Variants in PLEKHG1 observed in about 807,000 individuals in gnomAD.
PLEKHG1 encodes pleckstrin homology domain-containing family G member 1.
In PLEKHG1, 44 loss-of-function variants were observed where a neutral mutation model predicts 100.8. The observed-to-expected ratio is 0.44, with a 90% confidence interval of 0.34 to 0.56. The LOEUF is 0.56. Ranked by LOEUF, PLEKHG1 falls within the 20% of genes least tolerant of loss-of-function variation. The probability of loss-of-function intolerance (pLI) is 0.01; values close to 1 mark genes in which losing one functional copy is unlikely to be tolerated. For synonymous variants in PLEKHG1, 640 were observed against 662.5 expected (o/e 0.97, Z 0.52); for missense variants, 1,545 against 1,720.9 (o/e 0.90, Z 1.81).
intron 15 of PLEKHG1, among the ~76,000 whole-genome samples, chr6:150,834,182 A>G (rs114061571): frequency 0.013 from 2,003 of 152,286 alleles, 40 homozygotes; most frequent in African/African-American, 0.046. Context: ...TGAGACTAGA[A>G]TGCATGTATT....
At chr6:150,840,982 G>C in exon 16 of PLEKHG1, 2 of 1,023,958 alleles carry the variant, frequency 2.0e-6, no homozygotes. Flanking sequence ...ATGTATACCA[G>C]ATTAAAACAA....
Position 150,683,828 on chromosome 6 carries a change from C to G in PLEKHG1, c.-99+33042C>G. On this transcript the variant is annotated intron_variant, in intron 3 of 3. Coordinates refer to the PLEKHG1 transcript ENST00000367326. The surrounding 1 kb of genome is among the most constrained non-coding windows in gnomAD (Gnocchi z 4.0). ...CTGCCTGGACAAATCGTGTTCTGGG[C>G]CAAAGCATCACAGGCGAGTGAAATA... 2.3e-6 allele frequency: 3 copies of G among 1,287,830 alleles called. No individual in the cohort carries two copies. The South Asian group carries it at 3.7e-5, about 16-fold the overall frequency. 79.8% of individuals were successfully genotyped at this position (1,287,830 alleles called of 1,614,324 possible). A position where few individuals can be genotyped will look rare whatever the true frequency, so the allele number is the denominator to read the frequency against.
intron 2 of PLEKHG1, among the ~76,000 whole-genome samples, chr6:150,639,958 T>G (rs1778182852): frequency 6.6e-6 from 1 of 152,250 alleles, no homozygotes; most frequent in Admixed American, 6.5e-5. Context: ...TCTACGCAAC[T>G]CTGTCATTTT....
chr6:150,800,527 T>G (rs1786630055), intron 5 of PLEKHG1, among the ~76,000 whole-genome samples, 192 bp from the exon 7 acceptor site: 1 of 152,164 alleles, frequency 6.6e-6, no homozygotes, highest in Non-Finnish European at 1.5e-5. Context: ...TGCCAGTGGG[T>G]CCGGTGCCTT....
At chr6:150,707,901 C>T (rs1467641880) in intron 3 of PLEKHG1, among the ~76,000 whole-genome samples, 1 of 152,118 alleles carries the variant, frequency 6.6e-6, no homozygotes, top group African/African-American at 2.4e-5. Context: ...CCAGGCAGCA[C>T]CTCCTGGCTC....
chr6:150,674,974 T>C lies in PLEKHG1; in HGVS notation c.-99+24188T>C, dbSNP rs200766041. 5.3e-5 allele frequency among the ~76,000 whole-genome samples: 8 copies of C among 152,298 alleles called. No homozygotes were observed. In the East Asian group the frequency reaches 1.5e-3, roughly 29 times the overall value. ...CTGGGATTGCAGGTGTGAGCCACCA[T>C]GCCCGGCCACCTCAAACATTTCTTT... On this transcript the variant is annotated intron_variant, in intron 3 of 3. Transcript: ENST00000367326.
At chr6:150,623,215 C>T (rs1777379490) in intron 1 of PLEKHG1, among the ~76,000 whole-genome samples, 1 of 152,114 alleles carries the variant, frequency 6.6e-6, no homozygotes, top group African/African-American at 2.4e-5. Flanking sequence ...TGCCTTCAAC[C>T]ACACAGGTGC....
intron 4 of PLEKHG1, among the ~76,000 whole-genome samples, chr6:150,795,408 AGTAATTTTATTTTAGATTTTGCAAAAGCT>A (rs2128659026): frequency 6.6e-6 from 1 of 151,316 alleles, no homozygotes; most frequent in African/African-American, 2.4e-5. Context: ...AAAAAAAAAA[AGTAATTTTATTTTAGATTTTGCAAAAGCT>A]AGTAATTTAT....
At chr6:150,751,060 A>C (rs1448009772) in intron 2 of PLEKHG1, among the ~76,000 whole-genome samples, 1 of 152,234 alleles carries the variant, frequency 6.6e-6, no homozygotes. Flanking sequence ...AGAGATATTC[A>C]TATAATAGTT....
Position 150,785,355 on chromosome 6 carries a change from A to G in PLEKHG1, c.513-1035A>G, listed in dbSNP as rs1380874019. Among the ~76,000 whole-genome samples the G allele has an allele frequency of 2.0e-5, 3 of 152,206 alleles. No homozygotes were observed. In the East Asian group the frequency reaches 5.8e-4, roughly 29 times the overall value. On this transcript the variant is annotated intron_variant, in intron 3 of 15. Coordinates refer to ENST00000358517, the Ensembl canonical transcript of PLEKHG1. ...ATAAATACTTAGCATAGTAAGGTGT[A>G]TATTAGTATAACTCATGTGGAGTGC...
intron 1 of PLEKHG1, among the ~76,000 whole-genome samples, chr6:150,732,398 A>G (rs1318673803): frequency 5.3e-5 from 8 of 152,206 alleles, no homozygotes; most frequent in Non-Finnish European, 1.2e-4. Flanking sequence ...AGTGATCTGG[A>G]GAAGTGCTGT....
At chr6:150,766,566 G>T (rs1023512970) in intron 2 of PLEKHG1, among the ~76,000 whole-genome samples, 4 of 152,158 alleles carry the variant, frequency 2.6e-5, no homozygotes, top group African/African-American at 7.2e-5. Flanking sequence ...TTCTAGAGTG[G>T]TCTACAAAAA....
intron 3 of PLEKHG1, among the ~76,000 whole-genome samples, chr6:150,780,115 G>A (rs1219891758): frequency 6.6e-6 from 1 of 150,544 alleles, no homozygotes; most frequent in African/African-American, 2.5e-5. Flanking sequence ...TTTCTCTCTG[G>A]CTATTATTTT....
intron 3 of PLEKHG1, among the ~76,000 whole-genome samples, chr6:150,669,593 CTTTTTT>C (rs1214928577): frequency 2.4e-5 from 3 of 127,612 alleles, no homozygotes; most frequent in East Asian, 4.4e-4. Flanking sequence ...AAGAATTATT[CTTTTTT>C]TTTTTTTTTT....
At chr6:150,647,397 A>AT (rs1260242285) in intron 2 of PLEKHG1, among the ~76,000 whole-genome samples, 8 of 152,190 alleles carry the variant, frequency 5.3e-5, no homozygotes, top group African/African-American at 1.7e-4. Context: ...AGGTAAGCCT[A>AT]TTTTAGACAC....
chr6:150,743,383 G>A (rs572056977), intron 2 of PLEKHG1, among the ~76,000 whole-genome samples: 6 of 152,160 alleles, frequency 3.9e-5, no homozygotes, highest in South Asian at 2.1e-4. Flanking sequence ...AAAATTAGCC[G>A]GAAGTGGTGG....
intron 3 of PLEKHG1, among the ~76,000 whole-genome samples, chr6:150,667,932 C>T (rs1371800160): frequency 6.6e-6 from 1 of 152,170 alleles, no homozygotes; most frequent in Non-Finnish European, 1.5e-5. Flanking sequence ...TTCAAGGCCT[C>T]TTGTCTTTTT....
chr6:150,679,197 C>T (rs377492370), intron 3 of PLEKHG1, among the ~76,000 whole-genome samples: 7 of 152,282 alleles, frequency 4.6e-5, no homozygotes, highest in African/African-American at 1.7e-4. Flanking sequence ...TGAGTAAGCA[C>T]CATTGCCTTG....
At chr6:150,697,862 T>C (rs543638776) in intron 3 of PLEKHG1, among the ~76,000 whole-genome samples, 1 of 152,316 alleles carries the variant, frequency 6.6e-6, no homozygotes, top group East Asian at 1.9e-4. Flanking sequence ...CTGGTCCTCT[T>C]TGATAGATCC....
Sources: allele counts gnomAD v4.1 joint callset (sites outside exome capture counted in the v4.1 genomes callset), GRCh38; gene constraint gnomAD v4.1.1; non-coding constraint Gnocchi (gnomAD v3.1); transcripts MANE v1.5; gene names NCBI Gene and HGNC (gene_info 2026-07-23, HGNC 2026-07-21).